The following REPS1 variants were observed in gnomAD, a reference collection of about 807,000 sequenced individuals.
The protein encoded by REPS1 is RALBP1 associated Eps domain containing 1.
Under a neutral mutation model 100.9 loss-of-function variants are expected in REPS1, and 39 were observed. That is an observed-to-expected ratio of 0.39 (90% confidence interval 0.30 to 0.50). REPS1 has a LOEUF of 0.50. REPS1 is among the 20% of genes least tolerant of loss of function. The pLI, the probability that REPS1 is intolerant of heterozygous loss-of-function variation, is 0.86. For missense variants in REPS1, 821 were observed against 968.5 expected, an observed-to-expected ratio of 0.85 and a Z score of 2.02; for synonymous variants, 324 against 340.3, an observed-to-expected ratio of 0.95 and a Z score of 0.53.
rs112497492 is a variant in REPS1 at position 138,987,208 on chromosome 6, A to T, written c.153+322T>A. On this transcript the variant is annotated intron_variant, in intron 1 of 19. Coordinates refer to ENST00000450536, the MANE Select transcript of REPS1 (RefSeq NM_001286611.2). ...AGCTCTCTATATGCCAGGTTCTAGG[A>T]TTCACACACATTAACAACCTAAGAT... Among the ~76,000 whole-genome samples, 319 of 152,358 alleles carry T rather than the reference A, an allele frequency of 2.1e-3. 1 individual carries two copies. Among genetic ancestry groups the T allele is most frequent in the African/African-American group, 7.1e-3 (294 of 41,580 alleles).
intron 7 of REPS1, among the ~76,000 whole-genome samples, chr6:138,942,029 T>C (rs59299564): frequency 0.088 from 13,392 of 152,112 alleles, 1,233 homozygotes; most frequent in African/African-American, 0.23. Context: ...CAGGTACGCG[T>C]CACCATGCCT....
At chr6:138,968,878 T>C (rs76933614) in intron 1 of REPS1, among the ~76,000 whole-genome samples, 6,767 of 151,758 alleles carry the variant, frequency 0.045, 215 homozygotes, top group Non-Finnish European at 0.072. Flanking sequence ...GCTGCAACTT[T>C]CTCCATGAAT....
chr6:138,905,016 C>G lies in REPS1; in HGVS notation c.*48G>C. On this transcript the variant is annotated 3_prime_UTR_variant, in exon 20 of 20. Coordinates refer to ENST00000450536, the MANE Select transcript of REPS1 (RefSeq NM_001286611.2). ...TCTAGGTCTCCAAATTGGCTTTGAA[C>G]CCAAAACCACTTAAAAACAAGTATG... 6.3e-7 allele frequency: 1 copy of G among 1,582,524 alleles called. No individual in the cohort carries two copies. The highest frequency in any genetic ancestry group is 2.2e-5 in the East Asian group (1 of 44,576).
At chr6:138,963,033 T>C (rs969533612) in intron 1 of REPS1, among the ~76,000 whole-genome samples, 2 of 152,120 alleles carry the variant, frequency 1.3e-5, no homozygotes, top group African/African-American at 4.8e-5. Context: ...AACCCCAATC[T>C]TCCTCCCCAA....
intron 1 of REPS1, among the ~76,000 whole-genome samples, chr6:138,981,188 A>C (rs553824937): frequency 1.3e-5 from 2 of 152,310 alleles, no homozygotes; most frequent in African/African-American, 4.8e-5. Flanking sequence ...AAAGAGACAG[A>C]CTAATAAATT....
At position 138,943,802 on chromosome 6, in the gene REPS1, A is replaced by T. The variant is rs765689536; in HGVS notation, c.916+51T>A. 21 of 1,449,476 alleles carry T rather than the reference A, an allele frequency of 1.4e-5. 1 individual carries two copies. The Admixed American group carries it at 4.4e-4, about 30-fold the overall frequency. 89.8% of individuals were successfully genotyped at this position (1,449,476 alleles called of 1,614,324 possible). A position where few individuals can be genotyped will look rare whatever the true frequency, so the allele number is the denominator to read the frequency against. On this transcript the variant is annotated intron_variant, in intron 6 of 19. Coordinates refer to ENST00000450536, the MANE Select transcript of REPS1 (RefSeq NM_001286611.2). ...AAAACAATGTCTTTGATATTATGAA[A>T]TTGAGATTCTCCTGTCCCATCTAGA... is the stretch of plus-strand genomic sequence containing the variant.
chr6:138,973,152 G>A (rs1395710467), intron 1 of REPS1, among the ~76,000 whole-genome samples: 1 of 152,144 alleles, frequency 6.6e-6, no homozygotes, highest in Non-Finnish European at 1.5e-5. Flanking sequence ...GAATAGAGTT[G>A]GGAGACTACA....
At chr6:138,973,109 A>G in intron 1 of REPS1, among the ~76,000 whole-genome samples, 1 of 152,210 alleles carries the variant, frequency 6.6e-6, no homozygotes, top group Non-Finnish European at 1.5e-5. Context: ...AGAATAACCT[A>G]AAGTACAAAT....
Position 138,903,970 on chromosome 6 carries a change from T to C in REPS1, c.*1094A>G, listed in dbSNP as rs1779493916. On this transcript the variant is annotated 3_prime_UTR_variant, in exon 20 of 20. Transcript: ENST00000450536. Reference sequence around the variant, plus strand: ...TTTCAGAAATGAAAATACAAAATCTTCTATTTCTTAAAACTTTAAATCTTG... The same window carrying C: ...TTTCAGAAATGAAAATACAAAATCTCCTATTTCTTAAAACTTTAAATCTTG... 6.6e-6 allele frequency: 1 copy of C among 152,202 alleles called. No individual in the cohort carries two copies. The highest frequency in any genetic ancestry group is 1.5e-5 in the Non-Finnish European group (1 of 68,030). 9.4% of individuals were successfully genotyped at this position (152,202 alleles called of 1,614,324 possible).
chr6:138,912,911 C>T lies in REPS1; in HGVS notation c.1825G>A (p.Gly609Ser). The change falls in exon 16 of 20, where the codon GGC (glycine) becomes AGC (serine). Residue 609 changes from glycine to serine, a missense_variant. Coordinates refer to ENST00000450536, the MANE Select transcript of REPS1 (RefSeq NM_001286611.2). ...GAGGTACTAGTGTGAGTTATGAGGC[C>T]ATCGGCATCCACTGGGCGATGCACA... ...PAVHRPVDADGLITHTSTSPQ... is the reference protein window; with the variant it reads ...PAVHRPVDADSLITHTSTSPQ... 1 of 1,614,060 alleles carries T rather than the reference C, an allele frequency of 6.2e-7. No individual in the cohort carries two copies. Among genetic ancestry groups the T allele is most frequent in the Non-Finnish European group, 8.5e-7 (1 of 1,179,986 alleles).
At chr6:138,907,640 T>A (rs1779749657) in intron 18 of REPS1, 40 bp from the exon 19 acceptor site, 1 of 1,230,692 alleles carries the variant, frequency 8.1e-7, no homozygotes, top group Non-Finnish European at 1.2e-6. Context: ...ATAACCTTCA[T>A]TTCTTATCTT....
chr6:138,980,626 C>T (rs1182413421), intron 1 of REPS1, among the ~76,000 whole-genome samples: 1 of 147,420 alleles, frequency 6.8e-6, no homozygotes, highest in African/African-American at 2.5e-5. Flanking sequence ...GATTCTACCA[C>T]CCAATGATTC....
At chr6:138,917,740 T>C in intron 12 of REPS1, 113 bp from the exon 13 acceptor site, 2 of 780,816 alleles carry the variant, frequency 2.6e-6, no homozygotes, top group Admixed American at 4.6e-5. Flanking sequence ...AGTCAAAGAT[T>C]GGCTAATAGG....
chr6:138,938,731 C>A (rs148749637), intron 8 of REPS1, among the ~76,000 whole-genome samples: 1 of 152,226 alleles, frequency 6.6e-6, no homozygotes, highest in East Asian at 1.9e-4. Flanking sequence ...CCACCTCTGC[C>A]TATAGTCAGA....
In REPS1 at chr6:138,907,616, A is replaced by C. The variant is rs891886929; in HGVS notation, c.2217-16T>G. The C allele has an allele frequency of 6.5e-7, 1 of 1,528,496 alleles. No individual in the cohort carries two copies. The highest frequency in any genetic ancestry group is 9.1e-7 in the Non-Finnish European group (1 of 1,103,686). 94.7% of individuals were successfully genotyped at this position (1,528,496 alleles called of 1,614,324 possible). ...CCCAACAGATCTGAGAAGATAAAGAAGGCAAAAAAACCCATAACCTTCATT... is the reference window on the plus strand; with the variant it reads ...CCCAACAGATCTGAGAAGATAAAGACGGCAAAAAAACCCATAACCTTCATT... On this transcript the variant is annotated splice_polypyrimidine_tract_variant and intron_variant, in intron 18 of 19. Coordinates refer to ENST00000450536, the MANE Select transcript of REPS1 (RefSeq NM_001286611.2).
At chr6:138,916,218 C>CTTTTTTTTTTTT (rs10582137) in intron 13 of REPS1, 7 of 207,436 alleles carry the variant, frequency 3.4e-5, no homozygotes, top group South Asian at 4.5e-5. Context: ...TTCTTTTTTT[C>CTTTTTTTTTTTT]TTTTTTTTTT....
Position 138,916,153 on chromosome 6 carries a change from C to T in REPS1, c.1602-177G>A, listed in dbSNP as rs182566593. 4.4e-3 allele frequency: 2,145 copies of T among 483,898 alleles called. 7 individuals are homozygous for T. Among genetic ancestry groups the T allele is most frequent in the Non-Finnish European group, 5.0e-3 (1,335 of 265,750 alleles). The allele number at this position is 483,898 out of a possible 1,614,324, so 30.0% of individuals were successfully genotyped here. ...AGCACTGTTTATGATGTACCCTAAACAACTGATTATTTTATGTGGCTAACA... is the reference window on the plus strand; with the variant it reads ...AGCACTGTTTATGATGTACCCTAAATAACTGATTATTTTATGTGGCTAACA... On this transcript the variant is annotated intron_variant, in intron 13 of 19. Transcript: ENST00000450536.
chr6:138,918,669 A>T (rs1780564693), intron 12 of REPS1, among the ~76,000 whole-genome samples: 1 of 152,246 alleles, frequency 6.6e-6, no homozygotes, highest in Admixed American at 6.5e-5. Flanking sequence ...AAGTAATTTT[A>T]AAATTGTTAA....
intron 19 of REPS1, among the ~76,000 whole-genome samples, chr6:138,906,317 A>G (rs1367056683): frequency 1.3e-5 from 2 of 152,366 alleles, no homozygotes; most frequent in South Asian, 4.1e-4. Context: ...CCATAAGTTT[A>G]TATCATTCAT....
Sources: gnomAD v4.1 joint callset for allele counts (sites outside exome capture counted in the v4.1 genomes callset) on GRCh38, gnomAD v4.1.1 for gene constraint, MANE v1.5 for transcripts, NCBI Gene and HGNC (gene_info 2026-07-23, HGNC 2026-07-21) for gene names.